INSC: variants seen among roughly 807,000 people sequenced by gnomAD.
The protein encoded by INSC is INSC spindle orientation adaptor protein.
Under a neutral mutation model 58.6 loss-of-function variants are expected in INSC, and 67 were observed. That is an observed-to-expected ratio of 1.14 (90% CI 0.94 to 1.40). The LOEUF (loss-of-function observed/expected upper bound fraction) is 1.40, where lower values mean the gene tolerates loss of function less well. Among genes scored for constraint, INSC ranks in the 40% most tolerant of loss-of-function variants. The probability of loss-of-function intolerance (pLI) is 0.00; values close to 1 mark genes in which losing one functional copy is unlikely to be tolerated. For missense variants in INSC, 714 were observed against 692.0 expected, an observed-to-expected ratio of 1.03 and a Z score of -0.36; for synonymous variants, 262 against 276.1, an observed-to-expected ratio of 0.95 and a Z score of 0.51.
intron 7 of INSC, among the ~76,000 whole-genome samples, chr11:15,218,902 TTAAG>T (rs1408132357): frequency 6.6e-6 from 1 of 152,224 alleles, no homozygotes; most frequent in Non-Finnish European, 1.5e-5. Context: ...AAGTGTGTCC[TTAAG>T]TGTTAGGTCA....
chr11:15,230,890 G>C lies in INSC; in HGVS notation c.1171-4712G>C, dbSNP rs1048914709. ...CCTAAGCCTAAATCTTAGCCCACCA[G>C]TCTTGCCACTTTAGTAGTAAGGGAA... On this transcript the variant is annotated intron_variant, in intron 9 of 12. Transcript: ENST00000379556. Among the ~76,000 whole-genome samples the C allele has an allele frequency of 1.7e-4, 26 of 152,102 alleles. 1 individual carries two copies. Among genetic ancestry groups the C allele is most frequent in the Admixed American group, 1.4e-3 (21 of 15,282 alleles).
At chr11:15,189,367 GTTTA>G (rs146274786) in intron 5 of INSC, among the ~76,000 whole-genome samples, 22,652 of 149,410 alleles carry the variant, frequency 0.15, 1,922 homozygotes, top group Non-Finnish European at 0.19. Flanking sequence ...ACACCATTTT[GTTTA>G]TTTATTTATT....
intron 2 of INSC, among the ~76,000 whole-genome samples, chr11:15,161,766 G>T (rs1032400849): frequency 2.0e-5 from 3 of 152,216 alleles, no homozygotes; most frequent in African/African-American, 7.2e-5. Flanking sequence ...GGCCTATGCT[G>T]ATGCAGCTCA....
At chr11:15,130,449 A>C (rs1190883977) in intron 1 of INSC, among the ~76,000 whole-genome samples, 1 of 152,220 alleles carries the variant, frequency 6.6e-6, no homozygotes, top group Non-Finnish European at 1.5e-5. Context: ...TAGCCATGAT[A>C]TACAATCCTT....
chr11:15,235,734 C>T lies in INSC; in HGVS notation c.1237+66C>T, dbSNP rs1852098364. ...GGATGTAGGGGACTGTGTCTTTGTG[C>T]TTGTGTGAATGCCTGTGCAGGTATG... On this transcript the variant is annotated intron_variant, in intron 10 of 12. Coordinates refer to ENST00000379556, the MANE Select transcript of INSC (RefSeq NM_001042536.3). 9.5e-6 allele frequency: 13 copies of T among 1,362,550 alleles called. No individual in the cohort carries two copies. In the Middle Eastern group the frequency reaches 7.1e-4, roughly 75 times the overall value. 84.4% of individuals were successfully genotyped at this position (1,362,550 alleles called of 1,614,324 possible).
rs146274786 is a variant in INSC, at chr11:15,189,367, GTTTATTTATTTATTTATTTA to G, written c.580-1306_580-1287del. 5.3e-3 allele frequency among the ~76,000 whole-genome samples: 797 copies of G among 150,178 alleles called. 5 individuals carry two copies. The highest frequency in any genetic ancestry group is 0.018 in the African/African-American group (727 of 40,656). On this transcript the variant is annotated intron_variant, in intron 5 of 12. Coordinates refer to ENST00000379556, the MANE Select transcript of INSC (RefSeq NM_001042536.3). ...TAGAAATTGTTATTTACACCATTTTGTTTATTTATTTATTTATTTATTTATTTATTTATTTATTTATTTAT... is the reference window on the plus strand; with the variant it reads ...TAGAAATTGTTATTTACACCATTTTGTTTATTTATTTATTTATTTATTTAT...
intron 9 of INSC, among the ~76,000 whole-genome samples, chr11:15,229,997 A>AT (rs1564917560): frequency 3.6e-5 from 1 of 27,496 alleles, no homozygotes; most frequent in African/African-American, 1.6e-4. Context: ...ATATATATAT[A>AT]TATATATATA....
At chr11:15,212,501 G>C in intron 7 of INSC, among the ~76,000 whole-genome samples, 1 of 152,214 alleles carries the variant, frequency 6.6e-6, no homozygotes, top group Non-Finnish European at 1.5e-5. Flanking sequence ...AATGAACAGA[G>C]TACATCTCTC....
intron 1 of INSC, among the ~76,000 whole-genome samples, chr11:15,121,611 T>C (rs1447587798): frequency 6.6e-6 from 1 of 152,158 alleles, no homozygotes; most frequent in Admixed American, 6.5e-5. Flanking sequence ...TAATTTGTAG[T>C]GAGATACTTT....
At chr11:15,180,276 A>AAAAC (rs150336587) in intron 5 of INSC, among the ~76,000 whole-genome samples, 3,227 of 151,992 alleles carry the variant, frequency 0.021, 106 homozygotes, top group African/African-American at 0.069. Context: ...CAAACAAAAC[A>AAAAC]AAACAAACAA....
At chr11:15,223,733 C>G (rs2133937624) in intron 8 of INSC, among the ~76,000 whole-genome samples, 1 of 152,232 alleles carries the variant, frequency 6.6e-6, no homozygotes, top group East Asian at 1.9e-4. Flanking sequence ...CTGGAAGGGG[C>G]TGGGGACTCC....
chr11:15,126,557 T>G (rs1035084231), intron 1 of INSC, among the ~76,000 whole-genome samples: 12 of 152,170 alleles, frequency 7.9e-5, no homozygotes, highest in Middle Eastern at 3.2e-3. Context: ...CCCTCTATTC[T>G]TATAGATGGG....
chr11:15,167,724 TC>T (rs1391413951), intron 2 of INSC, among the ~76,000 whole-genome samples: 2 of 152,096 alleles, frequency 1.3e-5, no homozygotes, highest in African/African-American at 4.8e-5. Context: ...TTTCAAGGGA[TC>T]CTCCCACCTC....
intron 1 of INSC, among the ~76,000 whole-genome samples, chr11:15,121,877 A>G (rs10832364): frequency 0.49 from 74,215 of 152,080 alleles, 19,048 homozygotes; most frequent in Non-Finnish European, 0.58. Flanking sequence ...AGGCTCTGCA[A>G]GCTGGCTTTC....
At chr11:15,193,327 G>A (rs896643183) in intron 6 of INSC, among the ~76,000 whole-genome samples, 1 of 152,122 alleles carries the variant, frequency 6.6e-6, no homozygotes, top group Non-Finnish European at 1.5e-5. Flanking sequence ...AAGTTCTAGG[G>A]TACATGTGCA....
At chr11:15,221,304 A>T (rs146471689) in intron 7 of INSC, among the ~76,000 whole-genome samples, 173 bp from the exon 8 acceptor site, 1 of 152,214 alleles carries the variant, frequency 6.6e-6, no homozygotes, top group East Asian at 1.9e-4. Flanking sequence ...TTGAGTCATT[A>T]TGAGGGCCTT....
chr11:15,134,088 C>G (rs1313896194), intron 1 of INSC, among the ~76,000 whole-genome samples: 1 of 152,146 alleles, frequency 6.6e-6, no homozygotes, highest in African/African-American at 2.4e-5. Flanking sequence ...CTCTCTGGGT[C>G]ACCATTTCCA....
intron 2 of INSC, among the ~76,000 whole-genome samples, chr11:15,157,813 C>G (rs571385173): frequency 6.6e-6 from 1 of 152,112 alleles, no homozygotes; most frequent in African/African-American, 2.4e-5. Flanking sequence ...TCACCAGGTC[C>G]AGTCTCCTTC....
chr11:15,209,688 A>T (rs891734184), intron 7 of INSC, among the ~76,000 whole-genome samples: 9 of 152,148 alleles, frequency 5.9e-5, no homozygotes, highest in African/African-American at 2.2e-4. Context: ...TATGAAACCA[A>T]ATAAATACCA....
Sources: gnomAD v4.1 joint callset for allele counts (sites outside exome capture counted in the v4.1 genomes callset) on GRCh38, gnomAD v4.1.1 for gene constraint, MANE v1.5 for transcripts, NCBI Gene and HGNC (gene_info 2026-07-23, HGNC 2026-07-21) for gene names.